Variants in RXRG observed in about 807,000 individuals in gnomAD.
The protein encoded by RXRG is retinoid X receptor gamma.
RXRG carries 19 observed loss-of-function variants against 49.2 expected under a neutral mutation model. That is an observed-to-expected ratio of 0.39 (90% CI 0.27 to 0.57). The LOEUF is 0.57. Among genes scored for constraint, RXRG ranks in the 20% least tolerant of loss-of-function variants. The pLI is 0.64. For synonymous variants in RXRG, 224 were observed against 216.6 expected (o/e 1.03, Z -0.30); for missense variants, 452 against 592.5 (o/e 0.76, Z 2.46).
chr1:165,417,181 C>A lies in RXRG; in HGVS notation c.482G>T (p.Gly161Val), dbSNP rs777280005. 1.2e-6 allele frequency: 2 copies of A among 1,614,024 alleles called. No homozygotes were observed. Among genetic ancestry groups the A allele is most frequent in the South Asian group, 1.1e-5 (1 of 91,042 alleles). ...YGVYSCEGCK[G>V]FFKRTIRKDL... The stretch of plus-strand genomic sequence containing the variant: ...CTTCCTTATCGTCCTCTTGAAGAAC[C>A]CTTTGCAGCCTTCACAACTGTATAC... The change falls in exon 4 of 10, where the codon GGG (glycine) becomes GTG (valine). Residue 161 changes from glycine (G) to valine (V), a missense_variant. This residue lies in a region of RXRG where 286 missense variants were observed against 440.9 expected (regional missense o/e 0.65). Transcript: ENST00000359842.
rs781689449 is a variant in RXRG, at chr1:165,406,964, G to A, written c.1139-47C>T. The stretch of plus-strand genomic sequence containing the variant: ...GCCTTTGATTACACACCCTCCAGCA[G>A]AGGCTGTCCCCATTCTCTCTGGCCA... On this transcript the variant is annotated intron_variant, in intron 8 of 9. Coordinates refer to ENST00000359842, the MANE Select transcript of RXRG (RefSeq NM_006917.5). The A allele has an allele frequency of 1.0e-5, 14 of 1,359,914 alleles. 1 individual carries two copies. The Admixed American group carries it at 2.4e-4, about 23-fold the overall frequency. 84.2% of individuals were successfully genotyped at this position (1,359,914 alleles called of 1,614,324 possible).
rs576726792 is a variant in RXRG at position 165,409,122 on chromosome 1, C to T, written c.1046+436G>A. 7.9e-4 allele frequency among the ~76,000 whole-genome samples: 121 copies of T among 152,314 alleles called. 1 individual carries two copies. Among genetic ancestry groups the T allele is most frequent in the Middle Eastern group, 3.4e-3 (1 of 294 alleles). On this transcript the variant is annotated intron_variant, in intron 7 of 9. Transcript: ENST00000359842. ...TCATCCAGAGCCCAGCATAAACAGTCCATCTTGCCTGGCCTCTTGAGGACA... is the reference window on the plus strand; with the variant it reads ...TCATCCAGAGCCCAGCATAAACAGTTCATCTTGCCTGGCCTCTTGAGGACA...
At chr1:165,401,939 G>A (rs1435965041) in intron 9 of RXRG, among the ~76,000 whole-genome samples, 1 of 152,188 alleles carries the variant, frequency 6.6e-6, no homozygotes, top group African/African-American at 2.4e-5. Context: ...TTAAGAATGG[G>A]TTCTCACCAT....
At chr1:165,409,481 A>G (rs755347984) in intron 7 of RXRG, 77 bp downstream of exon 7, 2 of 1,246,322 alleles carry the variant, frequency 1.6e-6, no homozygotes, top group Non-Finnish European at 2.0e-6. Flanking sequence ...TCATGTATGT[A>G]CACATGTGTA....
At chr1:165,438,099 G>C (rs754095578) in intron 1 of RXRG, among the ~76,000 whole-genome samples, 1 of 152,112 alleles carries the variant, frequency 6.6e-6, no homozygotes, top group Non-Finnish European at 1.5e-5. Flanking sequence ...TGAAATAGAC[G>C]GTGGCCTCCA....
At chr1:165,436,831 G>T in intron 1 of RXRG, 1 of 798,186 alleles carries the variant, frequency 1.3e-6, no homozygotes, top group Non-Finnish European at 1.6e-6. Context: ...TAACCAGATG[G>T]GGACAGAAGT....
chr1:165,410,996 C>T lies in RXRG; in HGVS notation c.736G>A (p.Val246Ile), dbSNP rs61220446. 25 of 1,614,176 alleles carry T rather than the reference C, an allele frequency of 1.5e-5. No homozygotes were observed. In the African/African-American group the frequency reaches 2.9e-4, roughly 19 times the overall value. ...VERILEAELA[V>I]EPKTESYGDM... Reference sequence around the variant, plus strand: ...CCATAGGATTCTGTCTTTGGTTCAACAGCAAGTTCAGCTTCTAGAATCCTC... The same window carrying T: ...CCATAGGATTCTGTCTTTGGTTCAATAGCAAGTTCAGCTTCTAGAATCCTC... Residue 246 changes from valine (V) to isoleucine (I), a missense_variant, in exon 5 of 10, where the codon GTT becomes ATT. Physicochemically the swap from Val to Ile is conservative, Grantham distance 29. Transcript: ENST00000359842.
chr1:165,437,895 G>A (rs886709675), intron 1 of RXRG, among the ~76,000 whole-genome samples: 1 of 152,192 alleles, frequency 6.6e-6, no homozygotes, highest in Non-Finnish European at 1.5e-5. Context: ...AAGGTGGTGT[G>A]CAAGCAAAAT....
intron 8 of RXRG, 121 bp from the exon 9 acceptor site, chr1:165,407,038 TAAAC>T: frequency 3.1e-6 from 2 of 651,470 alleles, no homozygotes; most frequent in East Asian, 2.8e-5. Context: ...AAGTGTGAAA[TAAAC>T]AAAGCTGGTC....
rs1657551487 is a variant in RXRG at position 165,401,166 on chromosome 1, G to A, written c.*97C>T. 2.6e-6 allele frequency: 3 copies of A among 1,151,102 alleles called. No individual in the cohort carries two copies. The highest frequency in any genetic ancestry group is 3.8e-6 in the Non-Finnish European group (3 of 799,534). 71.3% of individuals were successfully genotyped at this position (1,151,102 alleles called of 1,614,324 possible). ...AAGCATCACATTTTGGGGACAGGAA[G>A]GGGGTCAGGGTGGGAGGTGGAGGAA... On this transcript the variant is annotated 3_prime_UTR_variant, in exon 10 of 10. Transcript: ENST00000359842.
At chr1:165,414,455 A>G (rs886788164) in intron 4 of RXRG, among the ~76,000 whole-genome samples, 7 of 152,166 alleles carry the variant, frequency 4.6e-5, no homozygotes, top group Admixed American at 4.6e-4. Flanking sequence ...TTCAGCCTGC[A>G]TTTTCAGAGA....
At chr1:165,410,615 G>A (rs1657912602) in intron 6 of RXRG, 87 bp downstream of exon 6, 2 of 1,462,808 alleles carry the variant, frequency 1.4e-6, no homozygotes, top group African/African-American at 2.8e-5. Context: ...GCTTGGACAT[G>A]TTGCAGCTCC....
chr1:165,428,613 G>T (rs780151593), intron 2 of RXRG, 106 bp downstream of exon 2: 8 of 1,332,318 alleles, frequency 6.0e-6, no homozygotes, highest in Non-Finnish European at 8.2e-6. Flanking sequence ...AAACCCTTTG[G>T]CAAGCACGCA....
At chr1:165,417,777 ACAAT>A (rs1357749394) in intron 3 of RXRG, among the ~76,000 whole-genome samples, 2 of 152,178 alleles carry the variant, frequency 1.3e-5, no homozygotes, top group Non-Finnish European at 2.9e-5. Flanking sequence ...TCATCATATG[ACAAT>A]CAAGCTATGA....
At chr1:165,438,731 A>G (rs1658890805) in intron 1 of RXRG, among the ~76,000 whole-genome samples, 5 of 152,260 alleles carry the variant, frequency 3.3e-5, no homozygotes, top group Admixed American at 3.3e-4. Context: ...TTCAAGTTCT[A>G]AAAGTCTGAT....
At chr1:165,435,510 C>T (rs946041748) in intron 1 of RXRG, among the ~76,000 whole-genome samples, 11 of 152,256 alleles carry the variant, frequency 7.2e-5, no homozygotes, top group African/African-American at 1.7e-4. Flanking sequence ...TCCTGCACTG[C>T]GCTTGCCACT....
rs773853905 is a variant in RXRG, at chr1:165,410,952, G to A, written c.780C>T (p.Asn260=). The A allele has an allele frequency of 1.9e-6, 3 of 1,613,940 alleles. No individual in the cohort carries two copies. The highest frequency in any genetic ancestry group is 2.5e-6 in the Non-Finnish European group (3 of 1,179,988). Residue 260 remains asparagine, a synonymous_variant, in exon 5 of 10, where the codon AAC becomes AAT. Coordinates refer to ENST00000359842, the MANE Select transcript of RXRG (RefSeq NM_006917.5). ...ATGTGTGTCTAAGAGCACATACCGA[G>A]TTCTCCATATTCATGTCACCATAGG... The part of the protein sequence containing the change: ...TESYGDMNME[N]STNDPVTNIC...
intron 2 of RXRG, among the ~76,000 whole-genome samples, chr1:165,426,090 T>A (rs1300611851): frequency 1.3e-5 from 2 of 152,198 alleles, no homozygotes; most frequent in Non-Finnish European, 2.9e-5. Flanking sequence ...ATTTGTGACA[T>A]AAAGGGTTTG....
intron 2 of RXRG, chr1:165,424,755 G>A: frequency 2.0e-6 from 2 of 985,228 alleles, no homozygotes; most frequent in Non-Finnish European, 2.4e-6. Flanking sequence ...ACTTACGCGA[G>A]AACCAGGTCA....
Sources: allele counts gnomAD v4.1 joint callset (sites outside exome capture counted in the v4.1 genomes callset), GRCh38; gene constraint gnomAD v4.1.1; regional missense constraint gnomAD v4.1.1; transcripts MANE v1.5; gene names NCBI Gene and HGNC (gene_info 2026-07-23, HGNC 2026-07-21).